Variants in SEPTIN7 observed in about 807,000 individuals in gnomAD.
SEPTIN7 encodes septin 7, also known as septin-7.
In SEPTIN7, 10 loss-of-function variants were observed where a neutral mutation model predicts 63.3. The ratio of observed to expected loss-of-function variants is 0.16; its 90% confidence interval spans 0.10 to 0.27. SEPTIN7 has a LOEUF of 0.27. Among genes scored for constraint, SEPTIN7 ranks in the 10% least tolerant of loss-of-function variants. The pLI is 1.00. For missense variants in SEPTIN7, 310 were observed against 521.0 expected (o/e 0.59, Z 3.94); for synonymous variants, 131 against 165.3 (o/e 0.79, Z 1.59).
intron 6 of SEPTIN7, 69 bp from the exon 7 acceptor site, chr7:35,879,754 T>C (rs1398553930): frequency 6.0e-6 from 5 of 832,710 alleles, no homozygotes; most frequent in East Asian, 2.7e-5. Context: ...TTAACTAGCA[T>C]TGGGGATGTG....
At chr7:35,834,553 A>T (rs766966130) in intron 3 of SEPTIN7, among the ~76,000 whole-genome samples, 26 of 152,110 alleles carry the variant, frequency 1.7e-4, no homozygotes, top group Non-Finnish European at 1.9e-4. Context: ...AAAGAAAAAT[A>T]GGTGTTAATA....
At position 35,838,236 on chromosome 7, in the gene SEPTIN7, A is replaced by ACTTACTTACTTC. The variant is rs1562536598; in HGVS notation, c.169+5339_169+5340insACTTACTTCCTT. Reference sequence around the variant, plus strand: ...TTAGCTTGATTTTTATATTATCCAAACTTCCTTCCTTCCTTCCTTCCTTCC... The same window carrying ACTTACTTACTTC: ...TTAGCTTGATTTTTATATTATCCAAACTTACTTACTTCCTTCCTTCCTTCCTTCCTTCCTTCC... On this transcript the variant is annotated intron_variant, in intron 3 of 13. Transcript: ENST00000350320. Among the ~76,000 whole-genome samples the ACTTACTTACTTC allele has an allele frequency of 8.5e-5, 5 of 59,050 alleles. 1 individual carries two copies. The highest frequency in any genetic ancestry group is 3.4e-4 in the African/African-American group (5 of 14,618). The allele number at this position is 59,050 out of a possible 152,430, so 38.7% of individuals were successfully genotyped here.
At chr7:35,882,405 G>A (rs1271314892) in intron 7 of SEPTIN7, 79 bp from the exon 8 acceptor site, 6 of 1,050,492 alleles carry the variant, frequency 5.7e-6, no homozygotes, top group East Asian at 3.9e-5. Context: ...TATAGGAATC[G>A]AAGAGGCATG....
Position 35,890,812 on chromosome 7 carries a change from C to T in SEPTIN7, c.998+19C>T, listed in dbSNP as rs751563860. 2.1e-5 allele frequency: 31 copies of T among 1,499,444 alleles called. No individual in the cohort carries two copies. Among genetic ancestry groups the T allele is most frequent in the African/African-American group, 2.9e-5 (2 of 69,982 alleles). 92.9% of individuals were successfully genotyped at this position (1,499,444 alleles called of 1,614,324 possible). On this transcript the variant is annotated intron_variant, in intron 11 of 13. Coordinates refer to ENST00000350320, the MANE Select transcript of SEPTIN7 (RefSeq NM_001788.6). ...TGACTAAGTAAGTATATATTTTTTT[C>T]TCCAAAAAGGTATTATTTCTGTAGT...
At chr7:35,833,396 C>T (rs1783931118) in intron 3 of SEPTIN7, among the ~76,000 whole-genome samples, 1 of 151,970 alleles carries the variant, frequency 6.6e-6, no homozygotes, top group African/African-American at 2.4e-5. Context: ...TCTCCTGGTT[C>T]TCTAATTCAG....
At chr7:35,801,576 G>A (rs1404141822) in intron 1 of SEPTIN7, among the ~76,000 whole-genome samples, 1 of 152,098 alleles carries the variant, frequency 6.6e-6, no homozygotes, top group Non-Finnish European at 1.5e-5. Flanking sequence ...CCTGAGCGTG[G>A]TGGTCTCAGC....
Position 35,838,236 on chromosome 7 carries a change from ACTTCCTTCCTTCCTTCCTTCCTTCCTTC to A in SEPTIN7, c.169+5378_169+5405del, listed in dbSNP as rs1167892518. Among the ~76,000 whole-genome samples, 68 of 59,078 alleles carry A rather than the reference ACTTCCTTCCTTCCTTCCTTCCTTCCTTC, an allele frequency of 1.2e-3. 2 individuals carry two copies. Among genetic ancestry groups the A allele is most frequent in the South Asian group, 1.2e-3 (2 of 1,654 alleles). 38.8% of individuals were successfully genotyped at this position (59,078 alleles called of 152,430 possible). On this transcript the variant is annotated intron_variant, in intron 3 of 13. Transcript: ENST00000350320. ...TTAGCTTGATTTTTATATTATCCAA[ACTTCCTTCCTTCCTTCCTTCCTTCCTTC>A]CTTCCTTCCTTCCTTCCTTCCTTCC...
chr7:35,865,326 C>G (rs546868991), intron 4 of SEPTIN7, among the ~76,000 whole-genome samples: 280 of 152,240 alleles, frequency 1.8e-3, no homozygotes, highest in Middle Eastern at 3.4e-3. Context: ...ATTACACCCC[C>G]CAAAGATACA....
Position 35,882,562 on chromosome 7 carries a change from G to A in SEPTIN7, c.709G>A (p.Val237Ile). The change falls in exon 8 of 14, where the codon GTT becomes ATT. Residue 237 changes from valine to isoleucine, a missense_variant. Val to Ile is a conservative substitution (Grantham distance 29). Coordinates refer to ENST00000350320, the MANE Select transcript of SEPTIN7 (RefSeq NM_001788.6). ...ETDDEEENKL[V>I]KKIKDRLPLA... ...AGATGATGAAGAAGAAAATAAACTTGTTAAAAAGATAAAGGTAGGTTCATC... is the reference window on the plus strand; with the variant it reads ...AGATGATGAAGAAGAAAATAAACTTATTAAAAAGATAAAGGTAGGTTCATC... 1 of 1,481,760 alleles carries A rather than the reference G, an allele frequency of 6.7e-7. No homozygotes were observed. The highest frequency in any genetic ancestry group is 1.3e-5 in the South Asian group (1 of 77,724). 91.8% of individuals were successfully genotyped at this position (1,481,760 alleles called of 1,614,324 possible). A position where few individuals can be genotyped will look rare whatever the true frequency, so the allele number is the denominator to read the frequency against.
At chr7:35,908,631 G>A (rs772123952), downstream of SEPTIN7, among the ~76,000 whole-genome samples, 41 of 151,572 alleles carry the variant, frequency 2.7e-4, no homozygotes, top group Non-Finnish European at 5.1e-4. Context: ...TGGCATAGAT[G>A]AGGAGGCTAG....
At chr7:35,810,705 T>A (rs890135491) in intron 1 of SEPTIN7, among the ~76,000 whole-genome samples, 5 of 152,170 alleles carry the variant, frequency 3.3e-5, no homozygotes, top group African/African-American at 1.2e-4. Context: ...AGTGTTTCTT[T>A]GCAGGAGTGA....
intron 1 of SEPTIN7, among the ~76,000 whole-genome samples, chr7:35,806,460 A>G (rs1788346084): frequency 6.6e-6 from 1 of 152,192 alleles, no homozygotes; most frequent in Non-Finnish European, 1.5e-5. Flanking sequence ...TACAAGACCC[A>G]TTGATTAGCA....
intron 3 of SEPTIN7, among the ~76,000 whole-genome samples, chr7:35,854,926 C>T (rs1409583781): frequency 4.6e-5 from 7 of 152,044 alleles, no homozygotes; most frequent in Non-Finnish European, 1.0e-4. Context: ...TTATTACCCT[C>T]CCCTTGGCTT....
At chr7:35,804,074 G>T (rs972012085) in intron 1 of SEPTIN7, among the ~76,000 whole-genome samples, 1 of 152,108 alleles carries the variant, frequency 6.6e-6, no homozygotes. Context: ...TTATGTTAGG[G>T]GTTGGAGGTC....
At chr7:35,880,200 TTTC>T (rs1786753034) in intron 7 of SEPTIN7, among the ~76,000 whole-genome samples, 1 of 146,208 alleles carries the variant, frequency 6.8e-6, no homozygotes, top group Non-Finnish European at 1.5e-5. Flanking sequence ...TCTTTTCTCT[TTTC>T]TTTTCTTTTT....
intron 1 of SEPTIN7, among the ~76,000 whole-genome samples, chr7:35,818,334 T>C (rs1245782344): frequency 6.6e-6 from 1 of 152,136 alleles, no homozygotes; most frequent in Non-Finnish European, 1.5e-5. Context: ...CCATTGGTTA[T>C]GGTGTATAAC....
chr7:35,818,522 G>A (rs1447165831), intron 1 of SEPTIN7, among the ~76,000 whole-genome samples: 1 of 152,016 alleles, frequency 6.6e-6, no homozygotes, highest in Non-Finnish European at 1.5e-5. Context: ...ACTAGTTTTT[G>A]AAGGATTGTA....
chr7:35,876,729 G>A (rs1210193156), intron 6 of SEPTIN7, among the ~76,000 whole-genome samples: 1 of 152,138 alleles, frequency 6.6e-6, no homozygotes, highest in Non-Finnish European at 1.5e-5. Flanking sequence ...AGCACTTTGA[G>A]AGGCTGAGGC....
chr7:35,872,822 A>G, intron 5 of SEPTIN7, 56 bp downstream of exon 5: 1 of 1,157,574 alleles, frequency 8.6e-7, no homozygotes, highest in African/African-American at 1.5e-5. Context: ...TGGGGTGGTT[A>G]AACTTTTTCT....
Sources: gnomAD v4.1 joint callset for allele counts (sites outside exome capture counted in the v4.1 genomes callset) on GRCh38, gnomAD v4.1.1 for gene constraint, MANE v1.5 for transcripts, NCBI Gene and HGNC (gene_info 2026-07-23, HGNC 2026-07-21) for gene names.